Variants in MACROD2 observed in about 807,000 individuals in gnomAD.
The protein encoded by MACROD2 is mono-ADP ribosylhydrolase 2.
Under a neutral mutation model 70.4 loss-of-function variants are expected in MACROD2, and 36 were observed. The observed-to-expected ratio is 0.51, with a 90% CI of 0.39 to 0.68. The LOEUF (loss-of-function observed/expected upper bound fraction) is 0.68. MACROD2 is among the 30% of genes least tolerant of loss of function. MACROD2 has a pLI of 0.00. For missense variants in MACROD2, 496 were observed against 538.4 expected (o/e 0.92, Z 0.78); for synonymous variants, 172 against 178.8 (o/e 0.96, Z 0.30).
chr20:14,200,948 G>GTTT (rs11087079), intron 3 of MACROD2, among the ~76,000 whole-genome samples: 2 of 143,488 alleles, frequency 1.4e-5, no homozygotes, highest in Non-Finnish European at 3.0e-5. Context: ...TGCTGGTAAT[G>GTTT]TTTTTTTTTT....
chr20:14,881,129 A>G (rs1367101207), intron 5 of MACROD2, among the ~76,000 whole-genome samples: 1 of 151,974 alleles, frequency 6.6e-6, no homozygotes, highest in Non-Finnish European at 1.5e-5. Flanking sequence ...GAATGAGAGG[A>G]TGTTGCAATG....
chr20:15,047,616 A>G (rs530318343), intron 5 of MACROD2, among the ~76,000 whole-genome samples: 1 of 152,150 alleles, frequency 6.6e-6, no homozygotes, highest in Non-Finnish European at 1.5e-5. Flanking sequence ...TCAGTCATTA[A>G]AGTTTACTAA....
At chr20:15,397,131 T>C (rs1401774233) in intron 6 of MACROD2, among the ~76,000 whole-genome samples, 1 of 152,178 alleles carries the variant, frequency 6.6e-6, no homozygotes, top group Non-Finnish European at 1.5e-5. Context: ...CTACTTTCCA[T>C]AGCAAATTCC....
At chr20:15,152,915 G>T (rs1001596864) in intron 5 of MACROD2, among the ~76,000 whole-genome samples, 10 of 152,100 alleles carry the variant, frequency 6.6e-5, no homozygotes, top group African/African-American at 2.4e-4. Flanking sequence ...AGAAGGGAGA[G>T]ATTGAAGTGT....
chr20:15,009,939 G>A (rs1283638980), intron 5 of MACROD2, among the ~76,000 whole-genome samples: 1 of 151,818 alleles, frequency 6.6e-6, no homozygotes, highest in Non-Finnish European at 1.5e-5. Flanking sequence ...TGTGTTATTG[G>A]CAAGATTATG....
At chr20:15,404,633 A>G (rs1427271310) in intron 6 of MACROD2, among the ~76,000 whole-genome samples, 6 of 152,330 alleles carry the variant, frequency 3.9e-5, no homozygotes, top group Admixed American at 2.0e-4. Context: ...GGTTTTTGCC[A>G]TTGAACTACC....
chr20:14,933,522 A>G (rs746784526), intron 5 of MACROD2, among the ~76,000 whole-genome samples: 9 of 152,060 alleles, frequency 5.9e-5, no homozygotes, highest in Non-Finnish European at 1.3e-4. Context: ...TCTAGAAAAG[A>G]TAAGAGATGA....
chr20:15,911,880 C>T (rs575613832), intron 10 of MACROD2, among the ~76,000 whole-genome samples: 104 of 152,246 alleles, frequency 6.8e-4, no homozygotes, highest in Middle Eastern at 3.4e-3. Context: ...TTGGCATGTG[C>T]GTGTAATCCT....
intron 6 of MACROD2, among the ~76,000 whole-genome samples, chr20:15,428,302 G>A (rs533057616): frequency 6.6e-6 from 1 of 152,250 alleles, no homozygotes; most frequent in Admixed American, 6.5e-5. Flanking sequence ...CCATCTTGTT[G>A]AAAACATTTT....
intron 3 of MACROD2, among the ~76,000 whole-genome samples, chr20:14,352,013 T>C (rs1301219374): frequency 1.3e-5 from 2 of 152,220 alleles, no homozygotes; most frequent in African/African-American, 4.8e-5. Flanking sequence ...GTTCTGTAGA[T>C]ATGATATATC....
intron 5 of MACROD2, among the ~76,000 whole-genome samples, chr20:14,805,347 C>A (rs1208930000): frequency 6.6e-6 from 1 of 152,056 alleles, no homozygotes; most frequent in East Asian, 1.9e-4. Flanking sequence ...TAGCCTCTGG[C>A]AATGATTTGG....
At chr20:14,897,965 C>T (rs899290937) in intron 5 of MACROD2, among the ~76,000 whole-genome samples, 5 of 152,016 alleles carry the variant, frequency 3.3e-5, no homozygotes, top group African/African-American at 9.7e-5. Flanking sequence ...CAATCATCTC[C>T]CAGAGACCAT....
chr20:14,937,600 T>C (rs2074351787), intron 5 of MACROD2, among the ~76,000 whole-genome samples: 1 of 152,128 alleles, frequency 6.6e-6, no homozygotes, highest in Non-Finnish European at 1.5e-5. Context: ...ATGTAATACA[T>C]TCATGTAATT....
chr20:15,273,102 G>A (rs773501846), intron 6 of MACROD2, among the ~76,000 whole-genome samples: 1 of 152,166 alleles, frequency 6.6e-6, no homozygotes, highest in African/African-American at 2.4e-5. Context: ...GATCCCAGGT[G>A]TGTCTATGAG....
chr20:15,834,428 C>T (rs527437469), intron 8 of MACROD2, among the ~76,000 whole-genome samples: 1 of 152,296 alleles, frequency 6.6e-6, no homozygotes, highest in South Asian at 2.1e-4. Context: ...CCATTCCCAA[C>T]TACCAAGTAC....
rs71340214 is a variant in MACROD2 at position 15,301,591 on chromosome 20, C to CTTTTTTTTTTTTTT, written c.540+71540_540+71553dup. On this transcript the variant is annotated intron_variant, in intron 6 of 17. Coordinates refer to ENST00000684519, the MANE Select transcript of MACROD2 (RefSeq NM_001351661.2). ...GGAAGTTAGTAAGATGGTAGGTGGC[C>CTTTTTTTTTTTTTT]TTTTTTTTTTTTTTTTTTTTTTTGT... Among the ~76,000 whole-genome samples, 68 of 81,248 alleles carry CTTTTTTTTTTTTTT rather than the reference C, an allele frequency of 8.4e-4. 14 individuals are homozygous for CTTTTTTTTTTTTTT. The highest frequency in any genetic ancestry group is 1.0e-3 in the Admixed American group (7 of 6,708). 53.3% of individuals were successfully genotyped at this position (81,248 alleles called of 152,430 possible). A position where few individuals can be genotyped will look rare whatever the true frequency, so the allele number is the denominator to read the frequency against.
At chr20:15,074,115 G>A (rs1055326769) in intron 5 of MACROD2, among the ~76,000 whole-genome samples, 2 of 152,120 alleles carry the variant, frequency 1.3e-5, no homozygotes, top group African/African-American at 4.8e-5. Flanking sequence ...TCTTCCCTCT[G>A]TGTCTTTCTA....
chr20:16,001,583 A>T, intron 15 of MACROD2, among the ~76,000 whole-genome samples: 1 of 152,228 alleles, frequency 6.6e-6, no homozygotes, highest in East Asian at 1.9e-4. Context: ...GTCATAGTTT[A>T]TTAGCCTTCA....
intron 3 of MACROD2, among the ~76,000 whole-genome samples, chr20:14,314,076 A>T (rs2082591870): frequency 6.6e-6 from 1 of 152,206 alleles, no homozygotes; most frequent in Non-Finnish European, 1.5e-5. Flanking sequence ...CCATCTAGAT[A>T]AGTGTTCTTA....
Sources: gnomAD v4.1 joint callset for allele counts (sites outside exome capture counted in the v4.1 genomes callset) on GRCh38, gnomAD v4.1.1 for gene constraint, MANE v1.5 for transcripts, NCBI Gene and HGNC (gene_info 2026-07-23, HGNC 2026-07-21) for gene names.